The following CNBD2 variants were observed in gnomAD, a reference collection of about 807,000 sequenced individuals.
CNBD2 encodes cyclic nucleotide binding domain containing 2.
A neutral mutation model predicts 63.7 loss-of-function variants in CNBD2; 64 were observed. The observed-to-expected ratio is 1.00, with a 90% CI of 0.82 to 1.24. The LOEUF (loss-of-function observed/expected upper bound fraction) is 1.24. Ranked by LOEUF, CNBD2 falls within the 50% of genes most tolerant of loss-of-function variation. The pLI is 0.00. For synonymous variants in CNBD2, 229 were observed against 255.4 expected (o/e 0.90, Z 0.99); for missense variants, 691 against 713.5 (o/e 0.97, Z 0.36).
chr20:36,000,217 A>C (rs746209373), intron 8 of CNBD2, among the ~76,000 whole-genome samples: 8 of 152,150 alleles, frequency 5.3e-5, no homozygotes, highest in Non-Finnish European at 8.8e-5. Flanking sequence ...TTTTTGAAAG[A>C]AATTTTTGCT....
intron 6 of CNBD2, among the ~76,000 whole-genome samples, chr20:35,986,014 C>T (rs563930826): frequency 2.8e-4 from 43 of 152,162 alleles, no homozygotes; most frequent in Non-Finnish European, 4.4e-4. Context: ...AAGTAAGCAC[C>T]GTAACTGGGT....
chr20:35,966,674 A>G (rs920445846), upstream of CNBD2, among the ~76,000 whole-genome samples: 1 of 151,754 alleles, frequency 6.6e-6, no homozygotes, highest in Non-Finnish European at 1.5e-5. Flanking sequence ...TCCTGATTTA[A>G]CCAGACTTAT....
intron 8 of CNBD2, among the ~76,000 whole-genome samples, chr20:36,004,037 C>T (rs946332753): frequency 2.0e-5 from 3 of 152,144 alleles, no homozygotes; most frequent in Non-Finnish European, 4.4e-5. Context: ...TGACATGTTT[C>T]CCCAAGAATG....
rs74356167 is a variant in CNBD2, at chr20:36,020,805, C to T, written c.1270-2797C>T. ...CACTGTACTCAACATGAGAGACACA[C>T]GAGGTGCTTCATGTCCCCCAGAGAA... On this transcript the variant is annotated intron_variant, in intron 10 of 11. Transcript: ENST00000373973. Among the ~76,000 whole-genome samples, 899 of 152,288 alleles carry T rather than the reference C, an allele frequency of 5.9e-3. 13 individuals are homozygous for T. The highest frequency in any genetic ancestry group is 0.021 in the African/African-American group (869 of 41,548).
intron 8 of CNBD2, among the ~76,000 whole-genome samples, chr20:36,006,323 C>T (rs553579923): frequency 3.3e-5 from 5 of 152,086 alleles, no homozygotes; most frequent in South Asian, 4.2e-4. Context: ...CCACCACACC[C>T]GGCTGGAGAT....
chr20:36,003,602 C>T (rs1018406530), intron 8 of CNBD2, among the ~76,000 whole-genome samples: 2 of 152,168 alleles, frequency 1.3e-5, no homozygotes, highest in African/African-American at 2.4e-5. Flanking sequence ...CCTGTTTGAG[C>T]TCTGATGATT....
intron 1 of CNBD2, among the ~76,000 whole-genome samples, chr20:35,970,681 A>G (rs1295918663): frequency 6.6e-6 from 1 of 152,082 alleles, no homozygotes; most frequent in African/African-American, 2.4e-5. Context: ...TGCAGGCATG[A>G]GCCATTGTGC....
intron 3 of CNBD2, among the ~76,000 whole-genome samples, chr20:35,979,115 G>T (rs1337936476): frequency 6.6e-6 from 1 of 152,164 alleles, no homozygotes. Flanking sequence ...TGGCTGGCCT[G>T]CAGTGAGTGA....
In CNBD2 at chr20:35,984,079, G is replaced by C; in HGVS notation, c.505G>C (p.Gly169Arg). Residue 169 changes from glycine (G) to arginine (R), a missense_variant, in exon 5 of 12, where the codon GGC becomes CGC. Gly to Arg is a moderately radical substitution (Grantham distance 125, BLOSUM62 -2). Transcript: ENST00000373973. ...GTVAITKDEDGSSAFLDPHPK... is the reference protein window; with the variant it reads ...GTVAITKDEDRSSAFLDPHPK... The stretch of plus-strand genomic sequence containing the variant: ...AGTTGCAATAACCAAGGACGAGGAT[G>C]GCAGCAGTGCCTTCCTAGATCCCCA... 1 of 1,613,988 alleles carries C rather than the reference G, an allele frequency of 6.2e-7. No homozygotes were observed. The highest frequency in any genetic ancestry group is 8.5e-7 in the Non-Finnish European group (1 of 1,179,906).
At chr20:36,002,786 T>G (rs2056932225) in intron 8 of CNBD2, among the ~76,000 whole-genome samples, 1 of 152,110 alleles carries the variant, frequency 6.6e-6, no homozygotes, top group Non-Finnish European at 1.5e-5. Flanking sequence ...TGGGTTTGTA[T>G]TTTTAAAATC....
intron 7 of CNBD2, among the ~76,000 whole-genome samples, chr20:35,993,773 T>C (rs947326424): frequency 6.6e-6 from 1 of 152,022 alleles, no homozygotes; most frequent in African/African-American, 2.4e-5. Context: ...TTGGAATAAT[T>C]TTAAATTTAT....
chr20:36,008,791 G>T (rs563243599), intron 9 of CNBD2, among the ~76,000 whole-genome samples: 1 of 152,266 alleles, frequency 6.6e-6, no homozygotes, highest in Non-Finnish European at 1.5e-5. Context: ...GTGTTTCTGG[G>T]CCCTTTTGAT....
intron 4 of CNBD2, among the ~76,000 whole-genome samples, chr20:35,981,351 T>A (rs1194855785): frequency 6.6e-6 from 1 of 152,170 alleles, no homozygotes; most frequent in African/African-American, 2.4e-5. Context: ...TCCCTCATCT[T>A]CAAAATCTCA....
At chr20:35,985,641 A>C (rs1290930786) in intron 6 of CNBD2, among the ~76,000 whole-genome samples, 1 of 150,210 alleles carries the variant, frequency 6.7e-6, no homozygotes, top group Non-Finnish European at 1.5e-5. Context: ...ATACACCATC[A>C]CTCCCAGCTA....
At chr20:35,978,893 G>T (rs926326058) in intron 3 of CNBD2, among the ~76,000 whole-genome samples, 3 of 152,178 alleles carry the variant, frequency 2.0e-5, no homozygotes, top group Non-Finnish European at 2.9e-5. Context: ...ATCTGGATTG[G>T]GGTGGTGTAT....
chr20:35,975,900 G>T, intron 2 of CNBD2, 49 bp from the exon 3 acceptor site: 1 of 1,548,332 alleles, frequency 6.5e-7, no homozygotes, highest in Non-Finnish European at 8.9e-7. Flanking sequence ...CAAAGTTCTA[G>T]GGGCAGTCTT....
At chr20:35,976,773 G>T (rs2056525772) in intron 3 of CNBD2, among the ~76,000 whole-genome samples, 1 of 152,060 alleles carries the variant, frequency 6.6e-6, no homozygotes, top group South Asian at 2.1e-4. Context: ...CTATTTATAG[G>T]GAACATCTGA....
upstream of CNBD2, chr20:35,954,425 G>T: frequency 6.4e-7 from 1 of 1,550,852 alleles, no homozygotes; most frequent in Non-Finnish European, 8.7e-7. Context: ...ACTCGGGACC[G>T]GCCGAGAGTG....
intron 1 of CNBD2, among the ~76,000 whole-genome samples, chr20:35,972,413 A>G (rs977898633): frequency 6.6e-6 from 1 of 152,196 alleles, no homozygotes; most frequent in Non-Finnish European, 1.5e-5. Context: ...GCCAATTTCT[A>G]TGGCATAAGT....
Sources: gnomAD v4.1 joint callset for allele counts (sites outside exome capture counted in the v4.1 genomes callset) on GRCh38, gnomAD v4.1.1 for gene constraint, MANE v1.5 for transcripts, NCBI Gene and HGNC (gene_info 2026-07-23, HGNC 2026-07-21) for gene names.